The following NME8 variants were observed in gnomAD, a reference collection of about 807,000 sequenced individuals.
NME8 encodes the protein protein NME8.
Under a neutral mutation model 82.3 loss-of-function variants are expected in NME8, and 72 were observed. The ratio of observed to expected loss-of-function variants is 0.87; its 90% CI spans 0.72 to 1.06. NME8 has a LOEUF of 1.06. NME8 is among the 50% of genes least tolerant of loss of function. The pLI is 0.00. For missense variants in NME8, 712 were observed against 685.4 expected, an observed-to-expected ratio of 1.04 and a Z score of -0.43; for synonymous variants, 267 against 228.5, an observed-to-expected ratio of 1.17 and a Z score of -1.52.
rs1785202886 is a variant in NME8, at chr7:37,895,082, GT to G, written c.1544+474del. Among the ~76,000 whole-genome samples the G allele has an allele frequency of 3.9e-5, 6 of 152,286 alleles. No homozygotes were observed. In the South Asian group the frequency reaches 1.2e-3, roughly 32 times the overall value. On this transcript the variant is annotated intron_variant, in intron 16 of 17. Transcript: ENST00000199447. ...GTTGGCAGGGCTACATAATTGATGT[GT>G]TGAAAGTACCTAGAACAGTGCATGA...
rs1784400543 is a variant in NME8, at chr7:37,848,981, CGATTT to C, written c.-82_-78del. ...GCTCAAACGGCCACAACGAGGGAGCCGATTTAGATCCTCTGGGCCTGTTCCTTCCT... is the reference window on the plus strand; with the variant it reads ...GCTCAAACGGCCACAACGAGGGAGCCAGATCCTCTGGGCCTGTTCCTTCCT... On this transcript the variant is annotated 5_prime_UTR_variant, in exon 2 of 18. It removes the in-frame stop codon of an upstream open reading frame in the 5' UTR. Transcript: ENST00000199447. 1.3e-5 allele frequency: 2 copies of C among 152,220 alleles called. 1 individual carries two copies. Among genetic ancestry groups the C allele is most frequent in the South Asian group, 4.1e-4 (2 of 4,824 alleles). The allele number at this position is 152,220 out of a possible 1,614,324, so 9.4% of individuals were successfully genotyped here. A position where few individuals can be genotyped will look rare whatever the true frequency, so the allele number is the denominator to read the frequency against.
rs1562838482 is a variant in NME8 at position 37,882,641 on chromosome 7, AAGAGAAAGAAAGAAAG to A, written c.995-1658_995-1643del. 9.9e-4 allele frequency among the ~76,000 whole-genome samples: 124 copies of A among 125,140 alleles called. 1 individual carries two copies. Among genetic ancestry groups the A allele is most frequent in the African/African-American group, 3.5e-3 (115 of 32,636 alleles). The allele number at this position is 125,140 out of a possible 152,430, so 82.1% of individuals were successfully genotyped here. A position where few individuals can be genotyped will look rare whatever the true frequency, so the allele number is the denominator to read the frequency against. ...AAAGAAAGAAAGAAAGAAAGAAAGAAAGAGAAAGAAAGAAAGAGAAAGAAAGAAAGAAAGGTCAACA... is the reference window on the plus strand; with the variant it reads ...AAAGAAAGAAAGAAAGAAAGAAAGAAAGAAAGAAAGAAAGAAAGGTCAACA... On this transcript the variant is annotated intron_variant, in intron 12 of 17. Coordinates refer to ENST00000199447, the MANE Select transcript of NME8 (RefSeq NM_016616.5).
intron 17 of NME8, among the ~76,000 whole-genome samples, chr7:37,898,323 A>C (rs1178196034): frequency 2.6e-5 from 4 of 152,192 alleles, no homozygotes; most frequent in African/African-American, 9.6e-5. Context: ...AGTTTCTTAA[A>C]AGGTTAAACA....
At chr7:37,849,713 C>CA (rs1004818059) in intron 2 of NME8, among the ~76,000 whole-genome samples, 18 of 151,326 alleles carry the variant, frequency 1.2e-4, no homozygotes, top group African/African-American at 3.9e-4. Context: ...ACTAAAAATA[C>CA]AAAAAAAATT....
intron 9 of NME8, 90 bp downstream of exon 9, chr7:37,864,511 G>A: frequency 7.6e-7 from 1 of 1,311,218 alleles, no homozygotes. Context: ...CATTTAGAGT[G>A]AAATAGAACA....
chr7:37,894,738 C>A, intron 16 of NME8, 128 bp downstream of exon 16: 1 of 957,368 alleles, frequency 1.0e-6, no homozygotes, highest in South Asian at 1.7e-5. Context: ...ATTCTGCTAA[C>A]ATTCATGGTT....
intron 11 of NME8, among the ~76,000 whole-genome samples, chr7:37,873,254 G>A (rs1266747095): frequency 1.3e-5 from 2 of 151,792 alleles, no homozygotes; most frequent in Non-Finnish European, 2.9e-5. Flanking sequence ...CAGCTACTTG[G>A]GAGGCTGAGG....
At chr7:37,888,188 A>T in intron 14 of NME8, 89 bp from the exon 15 acceptor site, 1 of 1,334,510 alleles carries the variant, frequency 7.5e-7, no homozygotes, top group Non-Finnish European at 1.1e-6. Context: ...ATTTGCTGTT[A>T]TTTGATAACT....
At chr7:37,892,805 T>A (rs537418473) in intron 15 of NME8, among the ~76,000 whole-genome samples, 2 of 152,194 alleles carry the variant, frequency 1.3e-5, no homozygotes, top group African/African-American at 4.8e-5. Flanking sequence ...GATTTATGAT[T>A]TTTTTAATGT....
At position 37,896,523 on chromosome 7, in the gene NME8, G is replaced by C. The variant is rs367572350; in HGVS notation, c.1545-347G>C. 3.9e-5 allele frequency among the ~76,000 whole-genome samples: 6 copies of C among 152,310 alleles called. No homozygotes were observed. In the East Asian group the frequency reaches 9.6e-4, roughly 24 times the overall value. ...TGGCAATGAGGATGGCCTGAGCAAG[G>C]CTATCTTAACTTGAGGCAATCCCTG... is the stretch of plus-strand genomic sequence containing the variant. On this transcript the variant is annotated intron_variant, in intron 16 of 17. Transcript: ENST00000199447.
chr7:37,880,948 T>C (rs1254277956), intron 12 of NME8, among the ~76,000 whole-genome samples: 1 of 152,178 alleles, frequency 6.6e-6, no homozygotes, highest in Non-Finnish European at 1.5e-5. Flanking sequence ...TTCTGGTATA[T>C]AGAAAAAAAT....
At chr7:37,894,636 G>A (rs1453556195) in intron 16 of NME8, 26 bp downstream of exon 16, 2 of 1,541,170 alleles carry the variant, frequency 1.3e-6, no homozygotes, top group Admixed American at 1.7e-5. Context: ...ATAATTGTTT[G>A]CATTATAAAA....
chr7:37,863,142 A>T (rs913513190), intron 7 of NME8, among the ~76,000 whole-genome samples: 8 of 152,190 alleles, frequency 5.3e-5, no homozygotes, highest in East Asian at 1.9e-4. Flanking sequence ...AAAAAAATTT[A>T]AAAAATTAAG....
At chr7:37,885,121 C>G in intron 13 of NME8, 24 bp from the exon 14 acceptor site, 1 of 1,491,684 alleles carries the variant, frequency 6.7e-7, no homozygotes, top group Non-Finnish European at 9.3e-7. Context: ...CTTATTACCT[C>G]TTCTTTGTTT....
At chr7:37,882,572 A>G (rs1256940309) in intron 12 of NME8, among the ~76,000 whole-genome samples, 1 of 39,536 alleles carries the variant, frequency 2.5e-5, no homozygotes, top group Non-Finnish European at 5.4e-5. Context: ...AGAAAGAAAG[A>G]AAGAAAGAAA....
At chr7:37,864,063 G>T (rs531839439) in intron 8 of NME8, among the ~76,000 whole-genome samples, 2 of 152,144 alleles carry the variant, frequency 1.3e-5, no homozygotes. Flanking sequence ...TGATTCTTAC[G>T]CATGGGAATT....
intron 15 of NME8, among the ~76,000 whole-genome samples, chr7:37,891,415 A>G (rs1785127258): frequency 6.6e-6 from 1 of 151,894 alleles, no homozygotes. Flanking sequence ...CAGGTCTTAC[A>G]GGAAAAAAAT....
At chr7:37,855,166 C>T (rs1257287591) in intron 5 of NME8, among the ~76,000 whole-genome samples, 1 of 152,104 alleles carries the variant, frequency 6.6e-6, no homozygotes, top group Non-Finnish European at 1.5e-5. Context: ...ATGTCGACCT[C>T]ATGGGATTCT....
intron 11 of NME8, among the ~76,000 whole-genome samples, chr7:37,874,553 T>G (rs1336085707): frequency 6.6e-6 from 1 of 151,986 alleles, no homozygotes; most frequent in African/African-American, 2.4e-5. Context: ...AACTTCCACA[T>G]TAACAAGGGA....
Sources: gnomAD v4.1 joint callset for allele counts (sites outside exome capture counted in the v4.1 genomes callset) on GRCh38, gnomAD v4.1.1 for gene constraint, MANE v1.5 for transcripts, NCBI Gene and HGNC (gene_info 2026-07-23, HGNC 2026-07-21) for gene names.